Variants in WLS observed in about 807,000 individuals in gnomAD.
WLS encodes the protein protein wntless homolog.
In WLS, 23 loss-of-function variants were observed where a neutral mutation model predicts 62.8. The observed-to-expected ratio is 0.37, with a 90% CI of 0.26 to 0.52. The LOEUF (loss-of-function observed/expected upper bound fraction) is 0.52. WLS is among the 20% of genes least tolerant of loss of function. The pLI is 0.92. For missense variants in WLS, 615 were observed against 697.3 expected (o/e 0.88, Z 1.33); for synonymous variants, 246 against 244.1 (o/e 1.01, Z -0.07).
chr1:68,120,330 C>A (rs1367452), intron 11 of WLS, among the ~76,000 whole-genome samples: 75,509 of 151,980 alleles, frequency 0.5, 18,780 homozygotes, highest in East Asian at 0.54. Context: ...TTATAGATGT[C>A]ATTCTCGATT....
At position 68,163,107 on chromosome 1, in the gene WLS, C is replaced by T; in HGVS notation, c.380-3860G>A. 5.2e-6 allele frequency: 8 copies of T among 1,529,998 alleles called. 1 individual carries two copies. The highest frequency in any genetic ancestry group is 4.5e-4 in the Middle Eastern group (2 of 4,444). The allele number at this position is 1,529,998 out of a possible 1,614,324, so 94.8% of individuals were successfully genotyped here. Reference sequence around the variant, plus strand: ...AAGGGCCATACTTTATGGAACTTTGCAACTCTCAGATCAAAAGGCAAAGCA... The same window carrying T: ...AAGGGCCATACTTTATGGAACTTTGTAACTCTCAGATCAAAAGGCAAAGCA... On this transcript the variant is annotated intron_variant, in intron 2 of 11. Coordinates refer to ENST00000262348, the MANE Select transcript of WLS (RefSeq NM_024911.7).
chr1:68,145,967 G>T lies in WLS; in HGVS notation c.1180C>A (p.Leu394Met). 6.2e-7 allele frequency: 1 copy of T among 1,614,172 alleles called. No homozygotes were observed. Among genetic ancestry groups the T allele is most frequent in the Non-Finnish European group, 8.5e-7 (1 of 1,180,040 alleles). ...TGAAATACCATGAAGCATAGAAACAGGAAGTAGAGGCAGAGGCAGATTCCA... is the reference window on the plus strand; with the variant it reads ...TGAAATACCATGAAGCATAGAAACATGAAGTAGAGGCAGAGGCAGATTCCA... ...VAGICLCLYF[L>M]FLCFMVFQVF... Residue 394 changes from leucine (L) to methionine (M), a missense_variant, in exon 9 of 12, where the codon CTG (leucine) becomes ATG (methionine). By Grantham distance (15) the Leu-to-Met change is conservative. Coordinates refer to ENST00000262348, the MANE Select transcript of WLS (RefSeq NM_024911.7).
chr1:68,171,755 C>T (rs575959833), intron 2 of WLS, among the ~76,000 whole-genome samples: 54 of 152,256 alleles, frequency 3.5e-4, no homozygotes, highest in Non-Finnish European at 6.3e-4. Context: ...GACAGTGTGG[C>T]GATTCCTCAA....
rs913187637 is a variant in WLS, at chr1:68,158,967, G to C, written c.504+156C>G. ...AAAAGCAAAGTTAGGAAAGGCCCGT[G>C]GCAGGAGAGAAGAGGAAATAAAATG... On this transcript the variant is annotated intron_variant, in intron 3 of 11. Transcript: ENST00000262348. Among the ~76,000 whole-genome samples the C allele has an allele frequency of 4.6e-5, 7 of 152,278 alleles. No individual in the cohort carries two copies. In the South Asian group the frequency reaches 8.3e-4, roughly 18 times the overall value.
chr1:68,130,902 T>TC (rs1409923429), intron 11 of WLS, among the ~76,000 whole-genome samples: 1 of 147,644 alleles, frequency 6.8e-6, no homozygotes, highest in African/African-American at 2.5e-5. Context: ...TTTTTTTTTT[T>TC]TTTTTTTTTT....
chr1:68,152,555 AAAAAATGAC>A (rs1231259222), intron 5 of WLS, among the ~76,000 whole-genome samples: 2 of 152,214 alleles, frequency 1.3e-5, no homozygotes, highest in Admixed American at 1.3e-4. Context: ...AGTGAGGAAC[AAAAAATGAC>A]CTTTGGATTT....
chr1:68,214,626 G>A (rs986111709), intron 1 of WLS, among the ~76,000 whole-genome samples: 1 of 152,274 alleles, frequency 6.6e-6, no homozygotes, highest in South Asian at 2.1e-4. Flanking sequence ...TGGGACCACA[G>A]GTGTGAGCCA....
chr1:68,190,962 G>T (rs1158946216), intron 2 of WLS, among the ~76,000 whole-genome samples: 1 of 151,826 alleles, frequency 6.6e-6, no homozygotes, highest in East Asian at 1.9e-4. Flanking sequence ...GGAGGCTGAG[G>T]CAGGAGAATC....
At chr1:68,162,994 A>G in intron 2 of WLS, 8 of 1,593,006 alleles carry the variant, frequency 5.0e-6, no homozygotes, top group South Asian at 3.3e-5. Context: ...ACCAGGGGGC[A>G]GGAGTGCAGG....
Position 68,125,540 on chromosome 1 carries a change from C to A in WLS, c.*686G>T. ...AGGCCATTTAATACAGTAAATCTTA[C>A]TTGGGTAGTTTAGCAAACATTTTTT... On this transcript the variant is annotated 3_prime_UTR_variant, in exon 12 of 12. Transcript: ENST00000262348. The A allele has an allele frequency of 2.0e-6, 2 of 985,426 alleles. No individual in the cohort carries two copies. The highest frequency in any genetic ancestry group is 2.4e-6 in the Non-Finnish European group (2 of 829,924). The allele number at this position is 985,426 out of a possible 1,614,324, so 61.0% of individuals were successfully genotyped here. A position where few individuals can be genotyped will look rare whatever the true frequency, so the allele number is the denominator to read the frequency against.
chr1:68,164,564 T>G (rs1405776842), intron 2 of WLS, among the ~76,000 whole-genome samples: 1 of 152,146 alleles, frequency 6.6e-6, no homozygotes, highest in Non-Finnish European at 1.5e-5. Context: ...GGCCTCAAAA[T>G]TTTTTTAAAA....
At position 68,161,123 on chromosome 1, in the gene WLS, G is replaced by C. The variant is rs113228717; in HGVS notation, c.380-1876C>G. Reference sequence around the variant, plus strand: ...ATTTGAGTACAAACAGCTTGTGAAAGTTAATACTTTTTTTTTGCATCAGAG... The same window carrying C: ...ATTTGAGTACAAACAGCTTGTGAAACTTAATACTTTTTTTTTGCATCAGAG... On this transcript the variant is annotated intron_variant, in intron 2 of 11. Coordinates refer to ENST00000262348, the MANE Select transcript of WLS (RefSeq NM_024911.7). 3.3e-4 allele frequency among the ~76,000 whole-genome samples: 50 copies of C among 152,260 alleles called. 1 individual carries two copies. The highest frequency in any genetic ancestry group is 1.2e-3 in the African/African-American group (50 of 41,534).
chr1:68,156,034 C>T (rs765792239), intron 3 of WLS, among the ~76,000 whole-genome samples: 44 of 152,170 alleles, frequency 2.9e-4, no homozygotes, highest in African/African-American at 5.5e-4. Flanking sequence ...GCCCAGAGCA[C>T]GGTGGTGGGA....
chr1:68,182,126 G>A (rs763997650), intron 2 of WLS, among the ~76,000 whole-genome samples: 1 of 152,202 alleles, frequency 6.6e-6, no homozygotes, highest in Non-Finnish European at 1.5e-5. Context: ...CTAGAAGAAA[G>A]TGTATGTAAC....
At chr1:68,161,457 G>T (rs879126271) in intron 2 of WLS, among the ~76,000 whole-genome samples, 1 of 152,084 alleles carries the variant, frequency 6.6e-6, no homozygotes, top group African/African-American at 2.4e-5. Flanking sequence ...TGTGCCCAAG[G>T]GACTGATAAA....
intron 1 of WLS, among the ~76,000 whole-genome samples, chr1:68,219,021 C>G (rs1289266195): frequency 6.6e-6 from 1 of 151,972 alleles, no homozygotes; most frequent in Non-Finnish European, 1.5e-5. Flanking sequence ...TAAAAGAAGC[C>G]CCTTCAAAAT....
chr1:68,232,111 T>C (rs900798137), intron 1 of WLS, 83 bp downstream of exon 1: 3 of 1,573,078 alleles, frequency 1.9e-6, no homozygotes, highest in Non-Finnish European at 2.6e-6. Context: ...GCAGTGATAC[T>C]GTAACAAGTA....
intron 2 of WLS, among the ~76,000 whole-genome samples, chr1:68,172,460 T>A (rs1346632236): frequency 3.4e-5 from 5 of 146,090 alleles, no homozygotes; most frequent in African/African-American, 1.2e-4. Context: ...CAATTAAACT[T>A]CTTCTATAAA....
intron 2 of WLS, chr1:68,162,327 G>A: frequency 6.2e-7 from 1 of 1,613,778 alleles, no homozygotes; most frequent in South Asian, 1.1e-5. Context: ...TTATGGTAAA[G>A]TCATTGATGA....
Sources: allele counts gnomAD v4.1 joint callset (sites outside exome capture counted in the v4.1 genomes callset), GRCh38; gene constraint gnomAD v4.1.1; transcripts MANE v1.5; gene names NCBI Gene and HGNC (gene_info 2026-07-23, HGNC 2026-07-21).